Variants in ZFYVE28 observed in about 807,000 individuals in gnomAD.
The protein encoded by ZFYVE28 is lateral signaling target protein 2 homolog.
ZFYVE28 carries 40 observed loss-of-function variants against 82.1 expected under a neutral mutation model. The ratio of observed to expected loss-of-function variants is 0.49; its 90% CI spans 0.38 to 0.63. The LOEUF (loss-of-function observed/expected upper bound fraction) is 0.63, where lower values mean the gene tolerates loss of function less well. Ranked by LOEUF, ZFYVE28 falls within the 30% of genes least tolerant of loss-of-function variation. The probability of loss-of-function intolerance (pLI) is 0.00; values close to 1 mark genes in which losing one functional copy is unlikely to be tolerated. For synonymous variants in ZFYVE28, 612 were observed against 546.1 expected (o/e 1.12, Z -1.68); for missense variants, 1,321 against 1,242.1 (o/e 1.06, Z -0.96).
chr4:2,297,819 CAG>C (rs556102486), intron 8 of ZFYVE28, among the ~76,000 whole-genome samples: 88 of 149,348 alleles, frequency 5.9e-4, no homozygotes, highest in African/African-American at 2.1e-3. Flanking sequence ...CGAGTGGTGA[CAG>C]TGGGGTGACA....
At position 2,339,514 on chromosome 4, in the gene ZFYVE28, T is replaced by C; in HGVS notation, c.460A>G (p.Thr154Ala). 1 of 1,613,962 alleles carries C rather than the reference T, an allele frequency of 6.2e-7. No homozygotes were observed. The highest frequency in any genetic ancestry group is 8.5e-7 in the Non-Finnish European group (1 of 1,179,986). Residue 154 changes from threonine to alanine, a missense_variant, in exon 4 of 13, where the codon ACA (threonine) becomes GCA (alanine). By Grantham distance (58) the Thr-to-Ala change is moderately conservative. Around this residue, in one of 2 missense-constraint regions of ZFYVE28, gnomAD observed 343 missense variants for 408.4 expected, o/e 0.84. Coordinates refer to ENST00000290974, the MANE Select transcript of ZFYVE28 (RefSeq NM_020972.3). This position sits in a 1 kb window ranked among gnomAD's most constrained non-coding sequence, Gnocchi z 5.0. ...CTCAGCGCTTCCCTCATCTTCTCTG[T>C]GTAGGTGTTCAGGTCCCGCAGCGCC... ...DQALRDLNTY[T>A]EKMREALRHF...
chr4:2,417,501 G>A lies in ZFYVE28; in HGVS notation c.39+784C>T, dbSNP rs1212812115. 6.6e-6 allele frequency among the ~76,000 whole-genome samples: 1 copy of A among 151,348 alleles called. No homozygotes were observed. The highest frequency in any genetic ancestry group is 6.6e-5 in the Admixed American group (1 of 15,206). On this transcript the variant is annotated intron_variant, in intron 1 of 12. Coordinates refer to ENST00000290974, the MANE Select transcript of ZFYVE28 (RefSeq NM_020972.3). This position sits in a 1 kb window ranked among gnomAD's most constrained non-coding sequence, Gnocchi z 4.8. ...GCTAGGAGAGGCGCGGGCGCCGGCT[G>A]GAGAGCCGCACCTCCCGCCCCGCCG...
intron 1 of ZFYVE28, among the ~76,000 whole-genome samples, chr4:2,380,382 C>T (rs1342019422): frequency 6.6e-6 from 1 of 152,240 alleles, no homozygotes; most frequent in East Asian, 1.9e-4. Context: ...GAACTTCCTG[C>T]CACTCCAAGA....
intron 6 of ZFYVE28, among the ~76,000 whole-genome samples, chr4:2,325,932 T>G (rs1719799254): frequency 6.6e-6 from 1 of 152,136 alleles, no homozygotes; most frequent in South Asian, 2.1e-4. Context: ...TGCTGTTGAA[T>G]TTTTTGAGTT....
In ZFYVE28 at chr4:2,335,785, G is replaced by C. The variant is rs1247738389; in HGVS notation, c.621C>G (p.Asp207Glu). 2.6e-6 allele frequency: 4 copies of C among 1,562,196 alleles called. No individual in the cohort carries two copies. In the East Asian group the frequency reaches 7.1e-5, roughly 28 times the overall value. ...LFCETVERAL[D>E]FGYLTQDMID... ...TCATGTCCTGAGTCAGGTACCCGAA[G>C]TCCAGGGCCCTGTCCGGGGAGACGG... The change falls in exon 6 of 13, where the codon GAC becomes GAG. Residue 207 changes from aspartate (D) to glutamate (E), a missense_variant. Physicochemically the swap from Asp to Glu is conservative, Grantham distance 45. Coordinates refer to ENST00000290974, the MANE Select transcript of ZFYVE28 (RefSeq NM_020972.3). The surrounding 1 kb of genome is among the most constrained non-coding windows in gnomAD (Gnocchi z 5.8).
In ZFYVE28 at chr4:2,320,074, G is replaced by A. The variant is rs1718845149; in HGVS notation, c.803+96C>T. On this transcript the variant is annotated intron_variant, in intron 7 of 12. Transcript: ENST00000290974. This position sits in a 1 kb window ranked among gnomAD's most constrained non-coding sequence, Gnocchi z 5.1. ...GCCCATCCTTCCTCACAGAGAGGAG[G>A]AGGACCTGGAGGCGGCGGCTAAACA... The A allele has an allele frequency of 2.6e-6, 3 of 1,138,428 alleles. No individual in the cohort carries two copies. The highest frequency in any genetic ancestry group is 3.0e-5 in the African/African-American group (2 of 65,674). 70.5% of individuals were successfully genotyped at this position (1,138,428 alleles called of 1,614,324 possible). A position where few individuals can be genotyped will look rare whatever the true frequency, so the allele number is the denominator to read the frequency against.
At chr4:2,330,631 A>G in intron 6 of ZFYVE28, 4 of 1,373,766 alleles carry the variant, frequency 2.9e-6, no homozygotes, top group Non-Finnish European at 3.8e-6. Context: ...GACAGCATAG[A>G]GGAGGGGACA....
At chr4:2,386,217 G>T (rs1373819826) in intron 1 of ZFYVE28, among the ~76,000 whole-genome samples, 1 of 152,200 alleles carries the variant, frequency 6.6e-6, no homozygotes, top group Non-Finnish European at 1.5e-5. Context: ...GCACGCAGTG[G>T]CTCATGTCTG....
intron 8 of ZFYVE28, among the ~76,000 whole-genome samples, chr4:2,279,442 C>G (rs1711599031): frequency 6.6e-6 from 1 of 150,474 alleles, no homozygotes; most frequent in Admixed American, 6.6e-5. Context: ...AAAACAAAAA[C>G]AAAAACACAC....
rs972136973 is a variant in ZFYVE28 at position 2,320,148 on chromosome 4, C to A, written c.803+22G>T. On this transcript the variant is annotated intron_variant, in intron 7 of 12. Transcript: ENST00000290974. This position sits in a 1 kb window ranked among gnomAD's most constrained non-coding sequence, Gnocchi z 5.1. Reference sequence around the variant, plus strand: ...CCTCCTGTCCCCCTCCCCTCCCCCACCTCCTCTAGCTCCATCCCCACCTTA... The same window carrying A: ...CCTCCTGTCCCCCTCCCCTCCCCCAACTCCTCTAGCTCCATCCCCACCTTA... 9.4e-6 allele frequency: 15 copies of A among 1,595,056 alleles called. No individual in the cohort carries two copies. The African/African-American group carries it at 2.0e-4, about 21-fold the overall frequency.
At chr4:2,280,615 T>C (rs1355479907) in intron 8 of ZFYVE28, among the ~76,000 whole-genome samples, 2 of 152,244 alleles carry the variant, frequency 1.3e-5, no homozygotes, top group Non-Finnish European at 2.9e-5. Context: ...TTACACTTAC[T>C]TGAGTAGTAA....
chr4:2,404,768 AC>A (rs2108678832), intron 1 of ZFYVE28, among the ~76,000 whole-genome samples: 1 of 152,086 alleles, frequency 6.6e-6, no homozygotes, highest in East Asian at 1.9e-4. Flanking sequence ...CAATGGCTGC[AC>A]CACATTGCGA....
At chr4:2,288,949 GA>G (rs991931826) in intron 8 of ZFYVE28, among the ~76,000 whole-genome samples, 1 of 152,026 alleles carries the variant, frequency 6.6e-6, no homozygotes, top group African/African-American at 2.4e-5. Context: ...CTGGGTGGCA[GA>G]GTGAGACCCT....
chr4:2,271,414 T>A lies in ZFYVE28; in HGVS notation c.2429A>T (p.Asp810Val). ...AAKTRDGDFE[D>V]PPEWVPDEAC... ...CTCGTCTGGCACCCACTCCGGGGGG[T>A]CTGTCACAACAACAGCAGCGTCACA... Residue 810 changes from aspartate (D) to valine (V), a missense_variant and splice_region_variant, in exon 12 of 13, where the codon GAC becomes GTC. Physicochemically the swap from Asp to Val is radical, Grantham distance 152. Around this residue, in one of 2 missense-constraint regions of ZFYVE28, gnomAD observed 978 missense variants for 833.7 expected, o/e 1.17. Transcript: ENST00000290974. The A allele has an allele frequency of 6.2e-7, 1 of 1,612,066 alleles. No individual in the cohort carries two copies. The highest frequency in any genetic ancestry group is 8.5e-7 in the Non-Finnish European group (1 of 1,179,566).
At chr4:2,307,769 C>G (rs112401897) in intron 7 of ZFYVE28, among the ~76,000 whole-genome samples, 1 of 152,032 alleles carries the variant, frequency 6.6e-6, no homozygotes, top group East Asian at 1.9e-4. Flanking sequence ...GCTGGGATTA[C>G]GGCATGAGCC....
At chr4:2,283,600 A>G (rs74536930) in intron 8 of ZFYVE28, among the ~76,000 whole-genome samples, 2 of 152,108 alleles carry the variant, frequency 1.3e-5, no homozygotes, top group Admixed American at 6.5e-5. Flanking sequence ...CCATCCATCC[A>G]TCCATCCACC....
chr4:2,308,666 AAAGAAAGAAAGAGAAAG>A (rs1284625110), intron 7 of ZFYVE28, among the ~76,000 whole-genome samples: 18 of 100,530 alleles, frequency 1.8e-4, no homozygotes, highest in South Asian at 2.9e-4. Flanking sequence ...AGAAAGAAAG[AAAGAAAGAAAGAGAAAG>A]AAAGAAAAGA....
rs1328754986 is a variant in ZFYVE28 at position 2,416,585 on chromosome 4, G to T, written c.39+1700C>A. On this transcript the variant is annotated intron_variant, in intron 1 of 12. Transcript: ENST00000290974. This position sits in a 1 kb window ranked among gnomAD's most constrained non-coding sequence, Gnocchi z 4.6. Reference sequence around the variant, plus strand: ...CACCATTCATACAGCTATCCAGAGCGGAGGCCACCGCCCTACCCCGGCAGA... The same window carrying T: ...CACCATTCATACAGCTATCCAGAGCTGAGGCCACCGCCCTACCCCGGCAGA... Among the ~76,000 whole-genome samples, 1 of 152,212 alleles carries T rather than the reference G, an allele frequency of 6.6e-6. No homozygotes were observed. Among genetic ancestry groups the T allele is most frequent in the South Asian group, 2.1e-4 (1 of 4,832 alleles).
intron 3 of ZFYVE28, among the ~76,000 whole-genome samples, chr4:2,340,154 G>A (rs1722557659): frequency 6.6e-6 from 1 of 152,152 alleles, no homozygotes; most frequent in Non-Finnish European, 1.5e-5. Context: ...GCCTATCTAG[G>A]GAGCCACAGA....
Sources: allele counts gnomAD v4.1 joint callset (sites outside exome capture counted in the v4.1 genomes callset), GRCh38; gene constraint gnomAD v4.1.1; regional missense constraint gnomAD v4.1.1; non-coding constraint Gnocchi (gnomAD v3.1); transcripts MANE v1.5; gene names NCBI Gene and HGNC (gene_info 2026-07-23, HGNC 2026-07-21).